Variants in PRIM2 observed in about 807,000 individuals in gnomAD.
The protein encoded by PRIM2 is DNA primase large subunit.
Under a neutral mutation model 67.3 loss-of-function variants are expected in PRIM2, and 39 were observed. The observed-to-expected ratio is 0.58, with a 90% CI of 0.45 to 0.76. PRIM2 has a LOEUF of 0.76. PRIM2 is among the 30% of genes least tolerant of loss of function. The pLI is 0.00. For synonymous variants in PRIM2, 143 were observed against 198.7 expected (o/e 0.72, Z 2.36); for missense variants, 398 against 598.7 (o/e 0.66, Z 3.50).
intron 5 of PRIM2, among the ~76,000 whole-genome samples, chr6:57,355,458 G>C (rs1003532786): frequency 2.0e-5 from 3 of 152,198 alleles, no homozygotes; most frequent in African/African-American, 7.2e-5. Flanking sequence ...CAGTGTTACT[G>C]CTGGGAAGCA....
chr6:57,646,380 ATT>A lies in PRIM2; in HGVS notation c.*230_*231del. 2 of 475,038 alleles carry A rather than the reference ATT, an allele frequency of 4.2e-6. No individual in the cohort carries two copies. Among genetic ancestry groups the A allele is most frequent in the East Asian group, 3.7e-5 (1 of 27,176 alleles). The allele number at this position is 475,038 out of a possible 1,614,324, so 29.4% of individuals were successfully genotyped here. ...CCTCATATCCAGATAATTTTTTTCA[ATT>A]TTTTTTTGTAGAGGTGGGGGGTCTC... On this transcript the variant is annotated 3_prime_UTR_variant, in exon 14 of 14. Transcript: ENST00000615550.
chr6:57,239,115 T>C, the PRIM2 span, among the ~76,000 whole-genome samples: 1 of 152,102 alleles, frequency 6.6e-6, no homozygotes, highest in East Asian at 1.9e-4. Context: ...CTCCACATTC[T>C]GAGTAGCTGG....
intron 10 of PRIM2, among the ~76,000 whole-genome samples, chr6:57,593,846 A>G (rs1384162764): frequency 6.6e-6 from 1 of 152,196 alleles, no homozygotes; most frequent in Admixed American, 6.5e-5. Flanking sequence ...GAAGAGTCCA[A>G]ATTTTAGACA....
At chr6:57,643,223 T>C (rs1350476841) in intron 13 of PRIM2, among the ~76,000 whole-genome samples, 4 of 152,208 alleles carry the variant, frequency 2.6e-5, no homozygotes, top group African/African-American at 9.6e-5. Flanking sequence ...AAGATATTAT[T>C]ATAGCATAAG....
chr6:57,518,421 G>A (rs1774534186), intron 8 of PRIM2, among the ~76,000 whole-genome samples: 1 of 152,100 alleles, frequency 6.6e-6, no homozygotes, highest in South Asian at 2.1e-4. Context: ...GTTTTAATTT[G>A]TTTGCTTGTT....
intron 7 of PRIM2, among the ~76,000 whole-genome samples, chr6:57,481,941 A>C (rs1371173648): frequency 6.6e-6 from 1 of 152,156 alleles, no homozygotes; most frequent in Non-Finnish European, 1.5e-5. Context: ...TGAGGAGAGA[A>C]ATAAGAGATA....
chr6:57,493,399 A>G (rs1554346145), intron 7 of PRIM2, among the ~76,000 whole-genome samples: 1 of 152,218 alleles, frequency 6.6e-6, no homozygotes, highest in African/African-American at 2.4e-5. Context: ...TGGCAAATAC[A>G]TGTGTTTTTT....
At chr6:57,604,444 G>A in intron 11 of PRIM2, among the ~76,000 whole-genome samples, 1 of 152,124 alleles carries the variant, frequency 6.6e-6, no homozygotes, top group East Asian at 1.9e-4. Context: ...TTCCTATTTG[G>A]ATGGCTTTTA....
chr6:57,367,580 G>T (rs1316064281), intron 5 of PRIM2, among the ~76,000 whole-genome samples: 1 of 152,154 alleles, frequency 6.6e-6, no homozygotes, highest in African/African-American at 2.4e-5. Flanking sequence ...ACTTTCGAGG[G>T]TTAGGGATTC....
intron 7 of PRIM2, among the ~76,000 whole-genome samples, chr6:57,499,443 G>A (rs1269903444): frequency 6.6e-6 from 1 of 152,164 alleles, no homozygotes; most frequent in Non-Finnish European, 1.5e-5. Flanking sequence ...TCCTCCTGAG[G>A]TAGGTTATAA....
chr6:57,534,177 A>T (rs1431865532), intron 9 of PRIM2, among the ~76,000 whole-genome samples: 1 of 152,104 alleles, frequency 6.6e-6, no homozygotes, highest in African/African-American at 2.4e-5. Flanking sequence ...CCCCGAGTTC[A>T]TATATAGGTA....
intron 5 of PRIM2, among the ~76,000 whole-genome samples, chr6:57,353,018 A>G (rs1768906306): frequency 6.6e-6 from 1 of 151,714 alleles, no homozygotes; most frequent in Admixed American, 6.6e-5. Context: ...TTCTATTGAT[A>G]TTTTAAAGGT....
intron 12 of PRIM2, among the ~76,000 whole-genome samples, chr6:57,628,012 A>C (rs1465489470): frequency 6.6e-6 from 1 of 152,110 alleles, no homozygotes; most frequent in Admixed American, 6.5e-5. Context: ...TATTATTGCA[A>C]TATGCAAGAG....
At chr6:57,540,517 T>G (rs1775123798) in intron 10 of PRIM2, among the ~76,000 whole-genome samples, 1 of 152,136 alleles carries the variant, frequency 6.6e-6, no homozygotes, top group Non-Finnish European at 1.5e-5. Context: ...ATTGGAAAAT[T>G]TTCTGGTGAT....
At chr6:57,301,863 A>T in the PRIM2 span, among the ~76,000 whole-genome samples, 82 of 152,310 alleles carry the variant, frequency 5.4e-4, no homozygotes, top group Non-Finnish European at 1.0e-3. Flanking sequence ...TATACCTAAC[A>T]ATAAACCTGC....
At position 57,419,740 on chromosome 6, in the gene PRIM2, C is replaced by T. The variant is rs1429390183; in HGVS notation, c.693+37572C>T. 5.9e-5 allele frequency among the ~76,000 whole-genome samples: 9 copies of T among 151,890 alleles called. No homozygotes were observed. In the East Asian group the frequency reaches 1.4e-3, roughly 23 times the overall value. ...AGTGGTTGCATTCATATTTAACCCT[C>T]GGTTTTTGAATAAAGTCTTACATTT... is the stretch of plus-strand genomic sequence containing the variant. On this transcript the variant is annotated intron_variant, in intron 7 of 13. Coordinates refer to ENST00000615550, the MANE Select transcript of PRIM2 (RefSeq NM_000947.5).
At chr6:57,541,858 A>G (rs1775162375) in intron 10 of PRIM2, among the ~76,000 whole-genome samples, 1 of 152,142 alleles carries the variant, frequency 6.6e-6, no homozygotes, top group African/African-American at 2.4e-5. Flanking sequence ...TTAACTACCA[A>G]TTCAAATGTT....
chr6:57,603,642 T>C (rs1776510953), intron 11 of PRIM2, among the ~76,000 whole-genome samples: 2 of 151,980 alleles, frequency 1.3e-5, no homozygotes, highest in African/African-American at 4.8e-5. Flanking sequence ...TCCTTTTGCT[T>C]AGGATTGCTT....
At chr6:57,558,438 G>T (rs1775561010) in intron 10 of PRIM2, among the ~76,000 whole-genome samples, 1 of 152,064 alleles carries the variant, frequency 6.6e-6, no homozygotes, top group African/African-American at 2.4e-5. Context: ...AATATTTTAT[G>T]ATCCATGAAG....
Sources: allele counts gnomAD v4.1 joint callset (sites outside exome capture counted in the v4.1 genomes callset), GRCh38; gene constraint gnomAD v4.1.1; transcripts MANE v1.5; gene names NCBI Gene and HGNC (gene_info 2026-07-23, HGNC 2026-07-21).